Variants in STPG2 observed in about 807,000 individuals in gnomAD.
STPG2 encodes the protein sperm-tail PG-rich repeat-containing protein 2.
Under a neutral mutation model 54.2 loss-of-function variants are expected in STPG2, and 56 were observed. The ratio of observed to expected loss-of-function variants is 1.03; its 90% CI spans 0.83 to 1.29. The LOEUF is 1.29. STPG2 is among the 50% of genes most tolerant of loss of function. The pLI is 0.00. For synonymous variants in STPG2, 200 were observed against 181.8 expected, an observed-to-expected ratio of 1.10 and a Z score of -0.81; for missense variants, 596 against 544.9, an observed-to-expected ratio of 1.09 and a Z score of -0.93.
chr4:98,110,869 T>C (rs921827894), intron 3 of STPG2, among the ~76,000 whole-genome samples: 5 of 152,248 alleles, frequency 3.3e-5, no homozygotes, highest in South Asian at 2.1e-4. Context: ...GTTACCATTA[T>C]AAGCAATAAT....
chr4:97,924,839 G>A (rs1578696865), intron 8 of STPG2, among the ~76,000 whole-genome samples: 1 of 152,126 alleles, frequency 6.6e-6, no homozygotes, highest in African/African-American at 2.4e-5. Context: ...AATCATCTCT[G>A]TATCATTTTT....
chr4:98,121,989 G>C (rs955015815), intron 3 of STPG2, among the ~76,000 whole-genome samples: 3 of 152,002 alleles, frequency 2.0e-5, no homozygotes, highest in Admixed American at 6.6e-5. Flanking sequence ...CAAAGTGCTG[G>C]GACTACAAGC....
At chr4:97,650,106 A>T (rs1722023139) in intron 10 of STPG2, among the ~76,000 whole-genome samples, 1 of 152,170 alleles carries the variant, frequency 6.6e-6, no homozygotes, top group African/African-American at 2.4e-5. Flanking sequence ...CAAGAATCTA[A>T]CACAACCGCT....
At chr4:97,769,739 G>A (rs1009134384) in intron 9 of STPG2, among the ~76,000 whole-genome samples, 1 of 151,902 alleles carries the variant, frequency 6.6e-6, no homozygotes, top group Non-Finnish European at 1.5e-5. Context: ...GTATATATAT[G>A]TGAATACACA....
intron 4 of STPG2, among the ~76,000 whole-genome samples, chr4:97,497,973 G>A (rs1363763914): frequency 1.3e-5 from 2 of 151,800 alleles, no homozygotes; most frequent in Non-Finnish European, 2.9e-5. Context: ...CTGAGAACCA[G>A]TTCCCCTGAC....
rs539749579 is a variant in STPG2, at chr4:97,456,217, C to T, written c.462+256482G>A. Among the ~76,000 whole-genome samples, 13 of 152,218 alleles carry T rather than the reference C, an allele frequency of 8.5e-5. No homozygotes were observed. The East Asian group carries it at 2.5e-3, about 29-fold the overall frequency. On this transcript the variant is annotated intron_variant, in intron 4 of 4. Transcript: ENST00000522676. ...AATTTATGAAGAGCTTTAATTGGCACAGAGTTCCACAGCTGTACAGGAAGC... is the reference window on the plus strand; with the variant it reads ...AATTTATGAAGAGCTTTAATTGGCATAGAGTTCCACAGCTGTACAGGAAGC...
intron 9 of STPG2, among the ~76,000 whole-genome samples, chr4:97,758,900 G>GA (rs551931443): frequency 2.0e-4 from 30 of 149,200 alleles, no homozygotes; most frequent in Middle Eastern, 3.4e-3. Flanking sequence ...TGGAAAAACA[G>GA]AAAAAAAAAG....
intron 1 of STPG2, among the ~76,000 whole-genome samples, chr4:98,139,036 T>G (rs1407172156): frequency 2.0e-5 from 3 of 152,090 alleles, no homozygotes; most frequent in Non-Finnish European, 4.4e-5. Context: ...GAATATTTAC[T>G]TTAATAAGAG....
intron 7 of STPG2, among the ~76,000 whole-genome samples, chr4:97,965,426 A>G (rs1304793948): frequency 4.6e-5 from 7 of 152,216 alleles, no homozygotes; most frequent in African/African-American, 9.6e-5. Flanking sequence ...TAGTGAAACA[A>G]AAGGCAGCAG....
At chr4:97,874,873 C>T (rs919239716) in intron 8 of STPG2, among the ~76,000 whole-genome samples, 6 of 151,802 alleles carry the variant, frequency 4.0e-5, no homozygotes, top group African/African-American at 1.4e-4. Flanking sequence ...AGTTATGACT[C>T]TCTCCGCCAT....
intron 4 of STPG2, 25 bp downstream of exon 4, chr4:98,109,168 A>C (rs1739272248): frequency 7.4e-7 from 1 of 1,351,710 alleles, no homozygotes; most frequent in Non-Finnish European, 1.0e-6. Context: ...GCTACATTAA[A>C]GGTATACTAT....
rs930675011 is a variant in STPG2 at position 98,081,061 on chromosome 4, C to G, written c.612+24892G>C. ...GCTGCTGCCCTCTACCATGTCCCCTCAGCTCTGAGAGCAAGGAAAAATTAA... is the reference window on the plus strand; with the variant it reads ...GCTGCTGCCCTCTACCATGTCCCCTGAGCTCTGAGAGCAAGGAAAAATTAA... On this transcript the variant is annotated intron_variant, in intron 5 of 10. Transcript: ENST00000295268. Among the ~76,000 whole-genome samples the G allele has an allele frequency of 5.9e-4, 90 of 152,184 alleles. 5 individuals carry two copies. The highest frequency in any genetic ancestry group is 2.9e-5 in the Non-Finnish European group (2 of 68,030).
intron 9 of STPG2, among the ~76,000 whole-genome samples, chr4:97,773,238 A>T (rs1287992412): frequency 6.6e-6 from 1 of 152,122 alleles, no homozygotes; most frequent in African/African-American, 2.4e-5. Flanking sequence ...ACCTTTAATC[A>T]TGAATTTATT....
chr4:97,644,685 C>G (rs73834107), intron 10 of STPG2, among the ~76,000 whole-genome samples: 2,844 of 152,044 alleles, frequency 0.019, 83 homozygotes, highest in African/African-American at 0.064. Flanking sequence ...TTCAATCAGG[C>G]AGATCTCACT....
At chr4:98,127,816 A>C (rs1165759582) in intron 3 of STPG2, among the ~76,000 whole-genome samples, 1 of 152,260 alleles carries the variant, frequency 6.6e-6, no homozygotes, top group African/African-American at 2.4e-5. Flanking sequence ...TATTTCAGTC[A>C]GAGAGAAGCT....
intron 5 of STPG2, among the ~76,000 whole-genome samples, chr4:98,091,710 ATAAC>A (rs10561519): frequency 0.44 from 67,219 of 151,518 alleles, 15,351 homozygotes; most frequent in Admixed American, 0.56. Flanking sequence ...TTGAGTAATA[ATAAC>A]TATCATTTAC....
intron 5 of STPG2, among the ~76,000 whole-genome samples, chr4:98,065,629 T>C (rs1453549817): frequency 6.6e-6 from 1 of 152,178 alleles, no homozygotes; most frequent in Non-Finnish European, 1.5e-5. Context: ...CTCACTCTTT[T>C]CAACTATACT....
chr4:98,044,925 A>G (rs1382895435), intron 5 of STPG2, among the ~76,000 whole-genome samples: 2 of 152,062 alleles, frequency 1.3e-5, no homozygotes, highest in African/African-American at 4.8e-5. Flanking sequence ...ATTGTTTCCC[A>G]TAAGCATTCC....
chr4:97,736,003 C>G (rs1724974606), intron 9 of STPG2, among the ~76,000 whole-genome samples: 1 of 152,178 alleles, frequency 6.6e-6, no homozygotes, highest in Non-Finnish European at 1.5e-5. Context: ...TATCACTTCA[C>G]ACTTGTTAGG....
Sources: allele counts gnomAD v4.1 joint callset (sites outside exome capture counted in the v4.1 genomes callset), GRCh38; gene constraint gnomAD v4.1.1; transcripts MANE v1.5; gene names NCBI Gene and HGNC (gene_info 2026-07-23, HGNC 2026-07-21).